The following LRP1B variants were observed in gnomAD, a reference collection of about 807,000 sequenced individuals.
LRP1B encodes low-density lipoprotein receptor-related protein 1B.
In LRP1B, 217 loss-of-function variants were observed where a neutral mutation model predicts 556.6. That is an observed-to-expected ratio of 0.39 (90% CI 0.35 to 0.44). The LOEUF (loss-of-function observed/expected upper bound fraction) is 0.44. Ranked by LOEUF, LRP1B falls within the 20% of genes least tolerant of loss-of-function variation. The pLI is 1.00. For synonymous variants in LRP1B, 2,047 were observed against 1,865.8 expected (o/e 1.10, Z -2.50); for missense variants, 5,053 against 5,620.8 (o/e 0.90, Z 3.23).
chr2:141,767,270 C>G (rs1694760275), intron 2 of LRP1B, among the ~76,000 whole-genome samples: 1 of 151,964 alleles, frequency 6.6e-6, no homozygotes, highest in African/African-American at 2.4e-5. Context: ...GTATAAGGAG[C>G]TAAAGTATTA....
intron 1 of LRP1B, among the ~76,000 whole-genome samples, chr2:141,871,886 C>T (rs896114014): frequency 6.6e-6 from 1 of 151,874 alleles, no homozygotes; most frequent in Non-Finnish European, 1.5e-5. Flanking sequence ...ACTGAAAATA[C>T]TAAACACTTC....
At position 141,058,897 on chromosome 2, in the gene LRP1B, C is replaced by A. The variant is rs757149953; in HGVS notation, c.1394G>T (p.Arg465Ile). The A allele has an allele frequency of 2.5e-6, 4 of 1,588,272 alleles. No individual in the cohort carries two copies. The highest frequency in any genetic ancestry group is 2.3e-5 in the South Asian group (2 of 85,434). ...TTCCCACTTACCTGTTGGTTGAGTT[C>A]TTTTTTGATAAATTCGGATTCCCCA... ...NAWGIRIYQKRTQPTVRSHAC... is the reference protein window; with the variant it reads ...NAWGIRIYQKITQPTVRSHAC... Residue 465 changes from arginine (R) to isoleucine (I), a missense_variant, in exon 9 of 91, where the codon AGA becomes ATA. Coordinates refer to ENST00000389484, the MANE Select transcript of LRP1B (RefSeq NM_018557.3).
chr2:140,513,830 T>C (rs956938972), intron 51 of LRP1B, among the ~76,000 whole-genome samples: 2 of 151,996 alleles, frequency 1.3e-5, no homozygotes, highest in African/African-American at 4.8e-5. Context: ...AAGAGGATGA[T>C]AACAGCTGCC....
At chr2:140,977,129 C>T (rs941652598) in intron 18 of LRP1B, among the ~76,000 whole-genome samples, 2 of 152,128 alleles carry the variant, frequency 1.3e-5, no homozygotes, top group Non-Finnish European at 2.9e-5. Context: ...CCACCCAAGT[C>T]ACATCTTGAA....
chr2:141,985,508 TA>T (rs908538550), intron 1 of LRP1B, among the ~76,000 whole-genome samples: 24 of 144,450 alleles, frequency 1.7e-4, no homozygotes, highest in African/African-American at 5.9e-4. Flanking sequence ...CGAGAATTTT[TA>T]TTTTTTTGGG....
At position 140,647,348 on chromosome 2, in the gene LRP1B, AT is replaced by A. The variant is rs545255624; in HGVS notation, c.6800-45710del. ...AGTGAACCATTGCACTGCACTTCAA[AT>A]TGTCTTATTTTTTATATATTTTAAT... On this transcript the variant is annotated intron_variant, in intron 41 of 90. Coordinates refer to ENST00000389484, the MANE Select transcript of LRP1B (RefSeq NM_018557.3). 4.0e-4 allele frequency among the ~76,000 whole-genome samples: 61 copies of A among 152,262 alleles called. 1 individual carries two copies. Among genetic ancestry groups the A allele is most frequent in the African/African-American group, 1.3e-3 (54 of 41,546 alleles).
intron 17 of LRP1B, among the ~76,000 whole-genome samples, chr2:140,982,568 G>T (rs556956079): frequency 4.6e-5 from 7 of 152,076 alleles, no homozygotes; most frequent in East Asian, 3.9e-4. Flanking sequence ...TTAAACTTTT[G>T]CCCAGCACAT....
intron 3 of LRP1B, among the ~76,000 whole-genome samples, chr2:141,300,307 C>T (rs957436788): frequency 4.6e-5 from 7 of 152,056 alleles, no homozygotes; most frequent in African/African-American, 1.7e-4. Flanking sequence ...ATTTGAGCAC[C>T]ATTATATAAA....
intron 47 of LRP1B, among the ~76,000 whole-genome samples, chr2:140,528,890 G>C (rs1011621103): frequency 6.6e-6 from 1 of 152,014 alleles, no homozygotes; most frequent in Non-Finnish European, 1.5e-5. Context: ...CTTCGTTGTG[G>C]TCAGTTAAGT....
chr2:140,663,311 T>C (rs1301985166), intron 41 of LRP1B, among the ~76,000 whole-genome samples: 1 of 152,148 alleles, frequency 6.6e-6, no homozygotes, highest in Non-Finnish European at 1.5e-5. Flanking sequence ...GTATTCACCA[T>C]AGTGGCATAC....
intron 7 of LRP1B, among the ~76,000 whole-genome samples, chr2:141,162,420 G>T (rs914941880): frequency 6.6e-6 from 1 of 152,010 alleles, no homozygotes; most frequent in African/African-American, 2.4e-5. Context: ...CCTCCAGAAT[G>T]CAAACAACCT....
At chr2:142,111,623 C>T (rs1250966533) in intron 1 of LRP1B, among the ~76,000 whole-genome samples, 1 of 151,988 alleles carries the variant, frequency 6.6e-6, no homozygotes, top group Non-Finnish European at 1.5e-5. Flanking sequence ...TAAATCATAC[C>T]ACATGGTGGC....
At chr2:141,132,135 A>G (rs1036178141) in intron 7 of LRP1B, among the ~76,000 whole-genome samples, 1 of 151,972 alleles carries the variant, frequency 6.6e-6, no homozygotes, top group Non-Finnish European at 1.5e-5. Flanking sequence ...ATAATAATAC[A>G]GTTTCTATGG....
At chr2:140,323,542 A>G (rs1005803639) in intron 81 of LRP1B, among the ~76,000 whole-genome samples, 7 of 152,018 alleles carry the variant, frequency 4.6e-5, no homozygotes, top group Admixed American at 3.9e-4. Flanking sequence ...AACATGGCAC[A>G]TGTATACATA....
intron 27 of LRP1B, among the ~76,000 whole-genome samples, chr2:140,859,712 T>C (rs1465948353): frequency 6.6e-6 from 1 of 152,166 alleles, no homozygotes; most frequent in African/African-American, 2.4e-5. Context: ...ATAAATTGCC[T>C]GGCCGTGTGC....
intron 20 of LRP1B, among the ~76,000 whole-genome samples, chr2:140,946,414 A>G (rs964844247): frequency 1.3e-5 from 2 of 152,148 alleles, no homozygotes; most frequent in Non-Finnish European, 2.9e-5. Context: ...AGCCTGGCCA[A>G]CATGGTGAAA....
chr2:141,391,566 T>C (rs1690051438), intron 3 of LRP1B, among the ~76,000 whole-genome samples: 1 of 152,038 alleles, frequency 6.6e-6, no homozygotes, highest in Non-Finnish European at 1.5e-5. Context: ...GGTAATTGAT[T>C]TGGGCCTAGT....
At chr2:140,853,233 A>T (rs1692514889) in intron 27 of LRP1B, among the ~76,000 whole-genome samples, 1 of 152,142 alleles carries the variant, frequency 6.6e-6, no homozygotes, top group Non-Finnish European at 1.5e-5. Context: ...GAGGAAAGGA[A>T]TATCCTTGTC....
intron 27 of LRP1B, among the ~76,000 whole-genome samples, chr2:140,852,611 T>C (rs1333283276): frequency 6.6e-6 from 1 of 152,172 alleles, no homozygotes; most frequent in African/African-American, 2.4e-5. Context: ...GAAATGTCTG[T>C]CTGCCTTCAT....
Sources: allele counts gnomAD v4.1 joint callset (sites outside exome capture counted in the v4.1 genomes callset), GRCh38; gene constraint gnomAD v4.1.1; transcripts MANE v1.5; gene names NCBI Gene and HGNC (gene_info 2026-07-23, HGNC 2026-07-21).